ZNF333: variants seen among roughly 807,000 people sequenced by gnomAD.
The protein encoded by ZNF333 is zinc finger protein 333.
ZNF333 carries 61 observed loss-of-function variants against 76.1 expected under a neutral mutation model. That is an observed-to-expected ratio of 0.80 (90% CI 0.65 to 0.99). The LOEUF is 0.99. Among genes scored for constraint, ZNF333 ranks in the 50% least tolerant of loss-of-function variants. The probability of loss-of-function intolerance (pLI) is 0.00; values close to 1 mark genes in which losing one functional copy is unlikely to be tolerated. For synonymous variants in ZNF333, 284 were observed against 305.0 expected, an observed-to-expected ratio of 0.93 and a Z score of 0.72; for missense variants, 717 against 822.4, an observed-to-expected ratio of 0.87 and a Z score of 1.57.
intron 4 of ZNF333, among the ~76,000 whole-genome samples, chr19:14,696,610 A>G (rs933177878): frequency 1.8e-4 from 28 of 151,914 alleles, no homozygotes; most frequent in Admixed American, 1.4e-3. Context: ...AACATGGTGG[A>G]CGAGATCATG....
chr19:14,691,970 C>T (rs557774721), intron 1 of ZNF333, among the ~76,000 whole-genome samples: 3 of 152,322 alleles, frequency 2.0e-5, no homozygotes, highest in Admixed American at 6.5e-5. Flanking sequence ...AGCAACCATA[C>T]CTGGCCTCAT....
intron 11 of ZNF333, among the ~76,000 whole-genome samples, chr19:14,727,024 CTTTTTTTT>C (rs33936016): frequency 5.7e-5 from 4 of 70,098 alleles, no homozygotes; most frequent in Non-Finnish European, 9.9e-5. Flanking sequence ...AGAAAAGAGG[CTTTTTTTT>C]TTTTTTTTTT....
In ZNF333 at chr19:14,695,094, T is replaced by C. The variant is rs1973076459; in HGVS notation, c.88T>C (p.Tyr30His). Residue 30 changes from tyrosine to histidine, a missense_variant, in exon 3 of 12, where the codon TAC becomes CAC. Physicochemically the swap from Tyr to His is moderately conservative, Grantham distance 83. Transcript: ENST00000292530. ...LDSARRSLCK[Y>H]RMLDQCRTLA... ...CAGCGCACGGAGGAGCCTGTGCAAA[T>C]ACAGGATGCTTGACCAGTGCAGGAC... The C allele has an allele frequency of 1.9e-6, 3 of 1,613,960 alleles. No homozygotes were observed. Among genetic ancestry groups the C allele is most frequent in the Non-Finnish European group, 2.5e-6 (3 of 1,179,968 alleles).
At chr19:14,724,706 C>T (rs372512566), downstream of ZNF333, among the ~76,000 whole-genome samples, 25 of 149,252 alleles carry the variant, frequency 1.7e-4, no homozygotes, top group African/African-American at 5.6e-4. Flanking sequence ...GCGGAGGTTG[C>T]AGTGAGCCGA....
At chr19:14,715,285 A>C in intron 7 of ZNF333, 97 bp from the exon 8 acceptor site, 1 of 971,736 alleles carries the variant, frequency 1.0e-6, no homozygotes, top group Admixed American at 2.0e-5. Flanking sequence ...GTGTGTACAC[A>C]TGTGATCACT....
chr19:14,729,719 G>A (rs1241814025), intron 11 of ZNF333, among the ~76,000 whole-genome samples: 1 of 152,114 alleles, frequency 6.6e-6, no homozygotes, highest in Non-Finnish European at 1.5e-5. Flanking sequence ...GGTGACTATA[G>A]TTAATAATAA....
At chr19:14,699,041 C>T (rs770359463) in intron 4 of ZNF333, among the ~76,000 whole-genome samples, 158 bp from the exon 5 acceptor site, 9 of 149,790 alleles carry the variant, frequency 6.0e-5, no homozygotes, top group Non-Finnish European at 8.9e-5. Context: ...TATATGTATT[C>T]GGTATTAAAA....
rs985157294 is a variant in ZNF333, at chr19:14,719,247, T to C, written c.1920T>C (p.His640=). Residue 640 remains histidine, a synonymous_variant, in exon 12 of 12, where the codon CAT becomes CAC. Coordinates refer to ENST00000292530, the MANE Select transcript of ZNF333 (RefSeq NM_032433.4). ...SSSLTVHKRT[H]VGRETIRNGS... ...CACTCACTGTACACAAAAGAACCCA[T>C]GTGGGAAGAGAGACCATTAGGAATG... The C allele has an allele frequency of 1.1e-5, 18 of 1,614,194 alleles. No homozygotes were observed. In the African/African-American group the frequency reaches 1.7e-4, roughly 16 times the overall value.
At position 14,720,367 on chromosome 19, in the gene ZNF333, C is replaced by T. The variant is rs1378378977; in HGVS notation, c.*1042C>T. Reference sequence around the variant, plus strand: ...ATCTCTCCACTTCTTGCCTTTTGGACAAGTAGACATGATTTCTAGACCTAG... The same window carrying T: ...ATCTCTCCACTTCTTGCCTTTTGGATAAGTAGACATGATTTCTAGACCTAG... On this transcript the variant is annotated 3_prime_UTR_variant, in exon 12 of 12. Transcript: ENST00000292530. The T allele has an allele frequency of 2.0e-6, 2 of 985,242 alleles. No individual in the cohort carries two copies. Among genetic ancestry groups the T allele is most frequent in the South Asian group, 4.7e-5 (1 of 21,292 alleles). 61.0% of individuals were successfully genotyped at this position (985,242 alleles called of 1,614,324 possible). A position where few individuals can be genotyped will look rare whatever the true frequency, so the allele number is the denominator to read the frequency against.
intron 7 of ZNF333, among the ~76,000 whole-genome samples, chr19:14,711,522 G>A (rs2042275064): frequency 6.6e-6 from 1 of 152,058 alleles, no homozygotes; most frequent in Admixed American, 6.6e-5. Context: ...AAGAAAATTA[G>A]CCAGGCATGG....
downstream of ZNF333, among the ~76,000 whole-genome samples, chr19:14,725,790 A>G (rs1235439043): frequency 2.0e-5 from 3 of 152,176 alleles, no homozygotes; most frequent in African/African-American, 7.2e-5. Context: ...GTGGCTTTGC[A>G]GGGTGCAACC....
At chr19:14,715,324 T>C in intron 7 of ZNF333, 58 bp from the exon 8 acceptor site, 1 of 1,531,712 alleles carries the variant, frequency 6.5e-7, no homozygotes, top group Non-Finnish European at 9.0e-7. Flanking sequence ...ACTTGGGGCC[T>C]GTGAGTGTGC....
intron 1 of ZNF333, among the ~76,000 whole-genome samples, chr19:14,690,601 A>G (rs1972686034): frequency 6.6e-6 from 1 of 152,234 alleles, no homozygotes; most frequent in African/African-American, 2.4e-5. Flanking sequence ...CTGGGTCCAC[A>G]TGTGCAAACT....
intron 7 of ZNF333, chr19:14,708,165 G>C (rs1328389001): frequency 5.1e-6 from 2 of 390,814 alleles, no homozygotes; most frequent in African/African-American, 4.1e-5. Context: ...GCGCTACCAT[G>C]CCCGGCTAAT....
At chr19:14,731,309 C>A (rs1297983955) in exon 12 of ZNF333, 2 of 983,162 alleles carry the variant, frequency 2.0e-6, no homozygotes, top group Admixed American at 2.1e-5. Flanking sequence ...CTGAAGCTTG[C>A]AGGTCAGTGG....
chr19:14,723,006 T>G (rs568559698), downstream of ZNF333, among the ~76,000 whole-genome samples: 2 of 152,360 alleles, frequency 1.3e-5, no homozygotes, highest in South Asian at 4.1e-4. Flanking sequence ...CAGGATGGTC[T>G]TGATCTCCTG....
chr19:14,716,302 A>G, intron 9 of ZNF333, 64 bp downstream of exon 9: 5 of 1,556,874 alleles, frequency 3.2e-6, no homozygotes, highest in Non-Finnish European at 4.3e-6. Context: ...TCTGTTGCCT[A>G]GGCTGGAGTG....
chr19:14,694,992 ATG>A lies in ZNF333; in HGVS notation c.4-11_4-10del, dbSNP rs1226993993. ...TGGGGGTGGTATTTGCCGAGCCAGAATGTGTGTGCTGTTTTAGGAATCCGTCA... is the reference window on the plus strand; with the variant it reads ...TGGGGGTGGTATTTGCCGAGCCAGAATGTGTGCTGTTTTAGGAATCCGTCA... On this transcript the variant is annotated splice_polypyrimidine_tract_variant and intron_variant, in intron 2 of 11. Coordinates refer to ENST00000292530, the MANE Select transcript of ZNF333 (RefSeq NM_032433.4). 6.2e-7 allele frequency: 1 copy of A among 1,614,092 alleles called. No individual in the cohort carries two copies. Among genetic ancestry groups the A allele is most frequent in the Admixed American group, 1.7e-5 (1 of 60,018 alleles).
intron 8 of ZNF333, 79 bp downstream of exon 8, chr19:14,715,549 G>GA: frequency 1.4e-6 from 2 of 1,382,614 alleles, no homozygotes; most frequent in African/African-American, 1.4e-5. Flanking sequence ...GACCTGTCTG[G>GA]ATCATCTCAT....
Sources: gnomAD v4.1 joint callset for allele counts (sites outside exome capture counted in the v4.1 genomes callset) on GRCh38, gnomAD v4.1.1 for gene constraint, MANE v1.5 for transcripts, NCBI Gene and HGNC (gene_info 2026-07-23, HGNC 2026-07-21) for gene names.